The following MAOA variants were observed in gnomAD, a reference collection of about 807,000 sequenced individuals.
MAOA encodes the protein amine oxidase [flavin-containing] A.
A neutral mutation model predicts 42.0 loss-of-function variants in MAOA; 6 were observed. That is an observed-to-expected ratio of 0.14 (90% CI 0.08 to 0.28). The LOEUF (loss-of-function observed/expected upper bound fraction) is 0.28, where lower values mean the gene tolerates loss of function less well. Ranked by LOEUF, MAOA falls within the 10% of genes least tolerant of loss-of-function variation. MAOA has a pLI of 1.00. For synonymous variants in MAOA, 140 were observed against 154.0 expected, an observed-to-expected ratio of 0.91 and a Z score of 0.67; for missense variants, 262 against 422.3, an observed-to-expected ratio of 0.62 and a Z score of 3.33.
intron 1 of MAOA, among the ~76,000 whole-genome samples, chrX:43,675,762 C>T (rs777170424): frequency 0.013 from 1,482 of 111,563 alleles, 18 homozygotes; most frequent in African/African-American, 0.034. Flanking sequence ...AGCGGATTTT[C>T]GTGAACCACG....
chrX:43,668,791 G>C, intron 1 of MAOA, among the ~76,000 whole-genome samples: 1 of 111,718 alleles, frequency 9.0e-6, no homozygotes, highest in African/African-American at 3.2e-5. Flanking sequence ...GAATTTCCTG[G>C]CAAGCTGGCC....
chrX:43,711,955 A>G lies in MAOA; in HGVS notation c.390A>G (p.Thr130=). 1 of 1,196,926 alleles carries G rather than the reference A, an allele frequency of 8.4e-7. No homozygotes were observed. The highest frequency in any genetic ancestry group is 1.1e-6 in the Non-Finnish European group (1 of 882,075). Residue 130 remains threonine (T), a synonymous_variant, in exon 4 of 15, where the codon ACA becomes ACG. Transcript: ENST00000338702. ...AYLDYNNLWR[T]IDNMGKEIPT... ...TGGATTACAATAATCTGTGGAGGACAATAGATAACATGGGGAAGGAGGTAA... is the reference window on the plus strand; with the variant it reads ...TGGATTACAATAATCTGTGGAGGACGATAGATAACATGGGGAAGGAGGTAA...
intron 10 of MAOA, among the ~76,000 whole-genome samples, chrX:43,739,286 C>T (rs751924491): frequency 1.8e-5 from 2 of 111,805 alleles, no homozygotes; most frequent in Non-Finnish European, 3.8e-5. Context: ...TCTGACTATC[C>T]TGAAATTTAA....
rs979251795 is a variant in MAOA, at chrX:43,745,470, A to G, written c.*957A>G. On this transcript the variant is annotated 3_prime_UTR_variant, in exon 15 of 15. Coordinates refer to ENST00000338702, the MANE Select transcript of MAOA (RefSeq NM_000240.4). Reference sequence around the variant, plus strand: ...TTCCTATGACCATAAAATTAGACATACCTCTCAACTTACATATGTCTTCAA... The same window carrying G: ...TTCCTATGACCATAAAATTAGACATGCCTCTCAACTTACATATGTCTTCAA... The G allele has an allele frequency of 8.9e-6, 1 of 111,952 alleles. No homozygotes were observed. The highest frequency in any genetic ancestry group is 3.2e-5 in the African/African-American group (1 of 30,797). The allele number at this position is 111,952 out of a possible 1,213,427, so 9.2% of individuals were successfully genotyped here. A position where few individuals can be genotyped will look rare whatever the true frequency, so the allele number is the denominator to read the frequency against.
chrX:43,672,625 C>A (rs1325580693), intron 1 of MAOA, among the ~76,000 whole-genome samples: 2 of 111,694 alleles, frequency 1.8e-5, no homozygotes, highest in Admixed American at 1.9e-4. Flanking sequence ...CCCATCAATA[C>A]CTAATTTATT....
At chrX:43,666,990 T>C in intron 1 of MAOA, among the ~76,000 whole-genome samples, 1 of 47,401 alleles carries the variant, frequency 2.1e-5, no homozygotes, top group African/African-American at 6.9e-5. Flanking sequence ...CCAGGGTCTG[T>C]CATGGGGTGG....
intron 5 of MAOA, among the ~76,000 whole-genome samples, chrX:43,717,377 T>C (rs757125903): frequency 4.6e-4 from 51 of 111,004 alleles, no homozygotes; most frequent in African/African-American, 1.7e-3. Flanking sequence ...TCATTCAAGA[T>C]GATATCATTC....
At chrX:43,710,661 A>C (rs917080103) in intron 3 of MAOA, among the ~76,000 whole-genome samples, 3 of 112,451 alleles carry the variant, frequency 2.7e-5, no homozygotes, top group African/African-American at 9.7e-5. Flanking sequence ...TAAATTAGCA[A>C]ATAAGGCCTT....
chrX:43,685,956 A>C (rs1460233838), intron 2 of MAOA, among the ~76,000 whole-genome samples: 1 of 112,011 alleles, frequency 8.9e-6, no homozygotes, highest in Non-Finnish European at 1.9e-5. Context: ...GATAAGTCCT[A>C]TTAGCACTTT....
At chrX:43,664,360 C>T (rs1217766297) in intron 1 of MAOA, among the ~76,000 whole-genome samples, 1 of 111,602 alleles carries the variant, frequency 9.0e-6, no homozygotes, top group African/African-American at 3.3e-5. Context: ...GTATCATTAG[C>T]CCATCGTCTA....
chrX:43,693,582 T>A (rs2033553701), intron 3 of MAOA, among the ~76,000 whole-genome samples, 154 bp downstream of exon 3: 1 of 112,104 alleles, frequency 8.9e-6, no homozygotes, highest in Non-Finnish European at 1.9e-5. Flanking sequence ...GTTTTCTTTT[T>A]TCTTTTTCTT....
At chrX:43,706,624 CATAAATAAATAA>C (rs746283353) in intron 3 of MAOA, among the ~76,000 whole-genome samples, 2 of 104,875 alleles carry the variant, frequency 1.9e-5, no homozygotes, top group African/African-American at 7.6e-5. Flanking sequence ...ATCTCTACAA[CATAAATAAATAA>C]ATAAATAAAT....
chrX:43,729,429 G>A (rs73625696), intron 6 of MAOA, among the ~76,000 whole-genome samples: 9,366 of 111,551 alleles, frequency 0.084, 953 homozygotes, highest in African/African-American at 0.29. Flanking sequence ...TTTTTATAAA[G>A]AACTTAGGCT....
At chrX:43,730,327 GGCAGAGGGTAGA>G (rs746679321) in intron 6 of MAOA, among the ~76,000 whole-genome samples, 264 of 110,272 alleles carry the variant, frequency 2.4e-3, no homozygotes, top group African/African-American at 8.5e-3. Flanking sequence ...CGTAGCAGAA[GGCAGAGGGTAGA>G]GCACTTCTGG....
chrX:43,741,257 A>G, intron 11 of MAOA, among the ~76,000 whole-genome samples: 1 of 111,328 alleles, frequency 9.0e-6, no homozygotes, highest in Non-Finnish European at 1.9e-5. Context: ...TCCACCACTG[A>G]AAGCAATTAG....
At chrX:43,700,560 A>G (rs1402869162) in intron 3 of MAOA, among the ~76,000 whole-genome samples, 1 of 112,004 alleles carries the variant, frequency 8.9e-6, no homozygotes, top group Non-Finnish European at 1.9e-5. Context: ...CTGTAGTCTG[A>G]GAGGTCCTCT....
rs1271940543 is a variant in MAOA, at chrX:43,672,340, T to G, written c.74-11173T>G. Among the ~76,000 whole-genome samples, 8 of 111,133 alleles carry G rather than the reference T, an allele frequency of 7.2e-5. No homozygotes were observed. In the East Asian group the frequency reaches 2.3e-3, roughly 31 times the overall value. On this transcript the variant is annotated intron_variant, in intron 1 of 14. Coordinates refer to ENST00000338702, the MANE Select transcript of MAOA (RefSeq NM_000240.4). ...GTTGCTTATCAGCTTAAGGAGATTTTGGGCTGAGACAATGGGGTTTTCTAG... is the reference window on the plus strand; with the variant it reads ...GTTGCTTATCAGCTTAAGGAGATTTGGGGCTGAGACAATGGGGTTTTCTAG...
chrX:43,677,883 T>G (rs948209236), intron 1 of MAOA, among the ~76,000 whole-genome samples: 7 of 111,216 alleles, frequency 6.3e-5, no homozygotes, highest in African/African-American at 2.3e-4. Context: ...ACTCTGAGTA[T>G]AGGGGATGAT....
intron 3 of MAOA, among the ~76,000 whole-genome samples, chrX:43,700,131 T>C (rs921163513): frequency 3.6e-5 from 4 of 111,927 alleles, no homozygotes; most frequent in South Asian, 3.7e-4. Context: ...ATGCTATTAA[T>C]ATTGCCTTCC....
Sources: allele counts gnomAD v4.1 joint callset (sites outside exome capture counted in the v4.1 genomes callset), GRCh38; gene constraint gnomAD v4.1.1; transcripts MANE v1.5; gene names NCBI Gene and HGNC (gene_info 2026-07-23, HGNC 2026-07-21).